Variants in YTHDF3 observed in about 807,000 individuals in gnomAD.
The protein encoded by YTHDF3 is YTH N6-methyladenosine RNA binding protein F3.
In YTHDF3, 9 loss-of-function variants were observed where a neutral mutation model predicts 52.5. The observed-to-expected ratio is 0.17, with a 90% confidence interval of 0.10 to 0.30. The LOEUF is 0.30. YTHDF3 is among the 10% of genes least tolerant of loss of function. The pLI, the probability that YTHDF3 is intolerant of heterozygous loss-of-function variation, is 1.00. For missense variants in YTHDF3, 534 were observed against 715.0 expected, an observed-to-expected ratio of 0.75 and a Z score of 2.89; for synonymous variants, 274 against 243.3, an observed-to-expected ratio of 1.13 and a Z score of -1.18.
chr8:63,168,600 A>C (rs1416605683), upstream of YTHDF3: 1 of 579,140 alleles, frequency 1.7e-6, no homozygotes, highest in African/African-American at 1.9e-5. Context: ...GCGGAAGGTC[A>C]GGGAGGCTCG....
chr8:63,194,090 A>C (rs2150384319), intron 4 of YTHDF3, among the ~76,000 whole-genome samples: 1 of 152,280 alleles, frequency 6.6e-6, no homozygotes, highest in Middle Eastern at 3.4e-3. Context: ...AAAATGGCCA[A>C]ATATATTGGT....
intron 4 of YTHDF3, among the ~76,000 whole-genome samples, chr8:63,196,866 T>C (rs533539358): frequency 2.0e-5 from 3 of 152,224 alleles, no homozygotes; most frequent in African/African-American, 7.2e-5. Flanking sequence ...ATACTTAAAA[T>C]GTTTCAGCAG....
chr8:63,188,144 G>A (rs995721383), intron 4 of YTHDF3, among the ~76,000 whole-genome samples: 1 of 151,456 alleles, frequency 6.6e-6, no homozygotes, highest in Admixed American at 6.6e-5. Flanking sequence ...TTTTTTTTGA[G>A]ATGACATCTT....
At chr8:63,202,608 C>T (rs923332923) in intron 4 of YTHDF3, among the ~76,000 whole-genome samples, 7 of 152,032 alleles carry the variant, frequency 4.6e-5, no homozygotes, top group African/African-American at 1.4e-4. Flanking sequence ...ATTACAGGTG[C>T]CCGCCACCAC....
intron 2 of YTHDF3, chr8:63,172,843 A>G (rs1807420536): frequency 3.3e-6 from 4 of 1,219,434 alleles, no homozygotes; most frequent in East Asian, 3.2e-5. Flanking sequence ...TTTACAGACT[A>G]TGGAACTAGC....
At chr8:63,198,348 T>A (rs1490057134) in intron 4 of YTHDF3, among the ~76,000 whole-genome samples, 2 of 152,026 alleles carry the variant, frequency 1.3e-5, no homozygotes, top group Non-Finnish European at 2.9e-5. Flanking sequence ...CTCACTGCAG[T>A]CTCCACCTTC....
rs1175269172 is a variant in YTHDF3 at position 63,168,719 on chromosome 8, C to A, written c.-159C>A. On this transcript the variant is annotated 5_prime_UTR_variant, in exon 1 of 5. Coordinates refer to ENST00000539294, the MANE Select transcript of YTHDF3 (RefSeq NM_152758.6). ...GGAAAAGACGGGCCTCTTCCTCCGA[C>A]TCCCGAGCGCGAGGCCCTCATTTTG... 4.9e-6 allele frequency: 7 copies of A among 1,421,210 alleles called. No individual in the cohort carries two copies. The highest frequency in any genetic ancestry group is 6.7e-6 in the Non-Finnish European group (7 of 1,040,696). 88.0% of individuals were successfully genotyped at this position (1,421,210 alleles called of 1,614,324 possible). A position where few individuals can be genotyped will look rare whatever the true frequency, so the allele number is the denominator to read the frequency against.
intron 4 of YTHDF3, among the ~76,000 whole-genome samples, chr8:63,206,189 T>G (rs1365902801): frequency 6.6e-6 from 1 of 152,132 alleles, no homozygotes; most frequent in African/African-American, 2.4e-5. Flanking sequence ...TTCTCCTGCC[T>G]CATCCTCCTG....
rs773653096 is a variant in YTHDF3 at position 63,186,323 on chromosome 8, T to C, written c.312T>C (p.Gly104=). 5 of 1,613,996 alleles carry C rather than the reference T, an allele frequency of 3.1e-6. No homozygotes were observed. Among genetic ancestry groups the C allele is most frequent in the Non-Finnish European group, 4.2e-6 (5 of 1,179,892 alleles). ...SNGEHHYIPD[G]VFSQPGALGN... ...GAGAACATCACTATATACCAGATGG[T>C]GTATTTAGTCAACCTGGGGCATTAG... Residue 104 remains glycine, a synonymous_variant, in exon 4 of 5, where the codon GGT becomes GGC. Transcript: ENST00000539294.
intron 4 of YTHDF3, among the ~76,000 whole-genome samples, chr8:63,192,200 GTAA>G: frequency 6.6e-6 from 1 of 152,150 alleles, no homozygotes; most frequent in South Asian, 2.1e-4. Flanking sequence ...TCATAATTTT[GTAA>G]TATCCTTTGT....
intron 2 of YTHDF3, 129 bp downstream of exon 2, chr8:63,169,540 C>T: frequency 9.3e-7 from 1 of 1,076,754 alleles, no homozygotes; most frequent in South Asian, 1.5e-5. Context: ...AAATATTCAT[C>T]ATGGCTAAGG....
chr8:63,187,616 T>C lies in YTHDF3; in HGVS notation c.1605T>C (p.Thr535=). The C allele has an allele frequency of 6.2e-7, 1 of 1,612,538 alleles. No homozygotes were observed. The highest frequency in any genetic ancestry group is 1.6e-4 in the Middle Eastern group (1 of 6,062). Residue 535 remains threonine (T), a synonymous_variant, in exon 4 of 5, where the codon ACT becomes ACC. Coordinates refer to ENST00000539294, the MANE Select transcript of YTHDF3 (RefSeq NM_152758.6). ...AACCGGTTACCAATTCAAGGGACAC[T>C]CAAGAGGTACCCCTAGAAAAAGCTA... ...DNKPVTNSRD[T]QEVPLEKAKQ... is the part of the protein sequence containing the mutation.
rs961976413 is a variant in YTHDF3, at chr8:63,212,397, C to T, written c.*2691C>T. The T allele has an allele frequency of 1.3e-5, 2 of 151,712 alleles. No homozygotes were observed. Among genetic ancestry groups the T allele is most frequent in the African/African-American group, 4.9e-5 (2 of 41,098 alleles). 9.4% of individuals were successfully genotyped at this position (151,712 alleles called of 1,614,324 possible). On this transcript the variant is annotated 3_prime_UTR_variant, in exon 5 of 5. Transcript: ENST00000539294. The stretch of plus-strand genomic sequence containing the variant: ...CGAAAGCTGTGTTCTTTTTGAATAC[C>T]GTGCATGGGGGTTAAGCTGATGTTA...
chr8:63,183,815 C>T (rs559969619), intron 3 of YTHDF3, among the ~76,000 whole-genome samples: 4 of 152,284 alleles, frequency 2.6e-5, no homozygotes, highest in African/African-American at 7.2e-5. Context: ...AAAATACAGT[C>T]GTCTCAAGGT....
At chr8:63,181,911 C>T (rs1433425902) in intron 3 of YTHDF3, among the ~76,000 whole-genome samples, 2 of 152,194 alleles carry the variant, frequency 1.3e-5, no homozygotes, top group Non-Finnish European at 1.5e-5. Flanking sequence ...TTTCTTATGA[C>T]ATGATTAGAT....
intron 4 of YTHDF3, 43 bp downstream of exon 4, chr8:63,187,788 G>T (rs1442233860): frequency 6.6e-7 from 1 of 1,524,994 alleles, no homozygotes; most frequent in Admixed American, 2.2e-5. Flanking sequence ...TTGTATTGCT[G>T]GTGGGGTGCA....
Position 63,168,966 on chromosome 8 carries a change from G to A in YTHDF3, c.24+65G>A, listed in dbSNP as rs954996764. 9.0e-5 allele frequency: 138 copies of A among 1,535,832 alleles called. No homozygotes were observed. The South Asian group carries it at 1.6e-3, about 18-fold the overall frequency. On this transcript the variant is annotated intron_variant, in intron 1 of 4. Transcript: ENST00000539294. ...CCCCGGAGCTCCACCCTCGCGCGGG[G>A]CTTCGGCTCCTCCCCGTCGCCGCCG... is the stretch of plus-strand genomic sequence containing the variant.
At chr8:63,177,418 C>A (rs1807770071) in intron 3 of YTHDF3, among the ~76,000 whole-genome samples, 1 of 152,082 alleles carries the variant, frequency 6.6e-6, no homozygotes, top group Non-Finnish European at 1.5e-5. Context: ...ATTACTTTTC[C>A]ACGTAAAGAT....
At position 63,203,242 on chromosome 8, in the gene YTHDF3, CA is replaced by C. The variant is rs372725205; in HGVS notation, c.1735-6426del. On this transcript the variant is annotated intron_variant, in intron 4 of 4. Transcript: ENST00000539294. Reference sequence around the variant, plus strand: ...TGGGTGACAAGAGTGAACTCTGTCTCAAAAAAAAAAAAAAATGCAGTCTGAT... The same window carrying C: ...TGGGTGACAAGAGTGAACTCTGTCTCAAAAAAAAAAAAAATGCAGTCTGAT... 9.2e-3 allele frequency among the ~76,000 whole-genome samples: 1,179 copies of C among 128,746 alleles called. 11 individuals carry two copies. Among genetic ancestry groups the C allele is most frequent in the Non-Finnish European group, 9.7e-3 (555 of 56,972 alleles). The allele number at this position is 128,746 out of a possible 152,430, so 84.5% of individuals were successfully genotyped here.
Sources: gnomAD v4.1 joint callset for allele counts (sites outside exome capture counted in the v4.1 genomes callset) on GRCh38, gnomAD v4.1.1 for gene constraint, MANE v1.5 for transcripts, NCBI Gene and HGNC (gene_info 2026-07-23, HGNC 2026-07-21) for gene names.